Variants in ZNF214 observed in about 807,000 individuals in gnomAD.
The protein encoded by ZNF214 is zinc finger protein 214.
Under a neutral mutation model 53.9 loss-of-function variants are expected in ZNF214, and 43 were observed. That is an observed-to-expected ratio of 0.80 (90% CI 0.63 to 1.03). The LOEUF (loss-of-function observed/expected upper bound fraction) is 1.03. Among genes scored for constraint, ZNF214 ranks in the 50% least tolerant of loss-of-function variants. The pLI, the probability that ZNF214 is intolerant of heterozygous loss-of-function variation, is 0.00. For missense variants in ZNF214, 724 were observed against 719.1 expected, an observed-to-expected ratio of 1.01 and a Z score of -0.08; for synonymous variants, 217 against 229.5, an observed-to-expected ratio of 0.95 and a Z score of 0.49.
In ZNF214 at chr11:6,999,165, C is replaced by T. The variant is rs1374955981; in HGVS notation, c.*697G>A. ...ACTTCTTGTTGTTTGGTATCTGAAC[C>T]TATTATTAAGCGTGGAAAACCGGAA... On this transcript the variant is annotated 3_prime_UTR_variant, in exon 3 of 3. Coordinates refer to ENST00000278314, the MANE Select transcript of ZNF214 (RefSeq NM_013249.4). Among the ~76,000 whole-genome samples, 6 of 151,800 alleles carry T rather than the reference C, an allele frequency of 4.0e-5. No homozygotes were observed. Among genetic ancestry groups the T allele is most frequent in the African/African-American group, 1.5e-4 (6 of 41,364 alleles).
At chr11:7,014,978 G>A (rs959838949) in intron 1 of ZNF214, among the ~76,000 whole-genome samples, 14 of 151,570 alleles carry the variant, frequency 9.2e-5, no homozygotes, top group East Asian at 3.9e-4. Flanking sequence ...TAAATTGTAC[G>A]TATGTTTTCA....
At chr11:7,009,152 G>A (rs1312325125) in intron 1 of ZNF214, among the ~76,000 whole-genome samples, 3 of 152,036 alleles carry the variant, frequency 2.0e-5, no homozygotes, top group South Asian at 2.1e-4. Context: ...GAACAAAGCT[G>A]GAGGCATCAC....
At position 7,000,409 on chromosome 11, in the gene ZNF214, T is replaced by C; in HGVS notation, c.1274A>G (p.Gln425Arg). ...KCEDCGKGFT[Q>R]RSNLQIHQRV... ...CTGATGAATTTGAAGATTTGAGCGCTGGGTAAAGCCTTTACCACAGTCTTC... is the reference window on the plus strand; with the variant it reads ...CTGATGAATTTGAAGATTTGAGCGCCGGGTAAAGCCTTTACCACAGTCTTC... Residue 425 changes from glutamine to arginine, a missense_variant, in exon 3 of 3, where the codon CAG becomes CGG. Coordinates refer to ENST00000278314, the MANE Select transcript of ZNF214 (RefSeq NM_013249.4). 1 of 1,613,448 alleles carries C rather than the reference T, an allele frequency of 6.2e-7. No individual in the cohort carries two copies. Among genetic ancestry groups the C allele is most frequent in the Non-Finnish European group, 8.5e-7 (1 of 1,179,606 alleles).
intron 2 of ZNF214, 73 bp from the exon 3 acceptor site, chr11:7,001,628 T>C: frequency 1.3e-6 from 2 of 1,483,034 alleles, no homozygotes; most frequent in Non-Finnish European, 1.8e-6. Flanking sequence ...TCTAAATCAA[T>C]GACCTTTAAA....
rs748146579 is a variant in ZNF214, at chr11:7,000,141, G to A, written c.1542C>T (p.Leu514=). 6.8e-6 allele frequency: 11 copies of A among 1,613,026 alleles called. No individual in the cohort carries two copies. The highest frequency in any genetic ancestry group is 1.1e-5 in the South Asian group (1 of 91,030). ...GKGFSQRSHL[L]IHQRVHTGEK... is the part of the protein sequence containing the mutation. ...CTCCTGTATGGACTCTCTGATGAAT[G>A]AGAAGATGTGAACGCTGACTGAATC... Residue 514 remains leucine, a synonymous_variant, in exon 3 of 3, where the codon CTC becomes CTT. Transcript: ENST00000278314.
intron 1 of ZNF214, among the ~76,000 whole-genome samples, chr11:7,007,400 T>C (rs962778720): frequency 6.0e-5 from 9 of 151,020 alleles, no homozygotes; most frequent in African/African-American, 4.8e-5. Flanking sequence ...TAGCATGTGG[T>C]TTAGAACAGA....
At chr11:7,010,326 A>C (rs1311643594) in intron 1 of ZNF214, among the ~76,000 whole-genome samples, 1 of 152,054 alleles carries the variant, frequency 6.6e-6, no homozygotes, top group African/African-American at 2.4e-5. Context: ...GAAACAGAAA[A>C]CCAAATACTG....
chr11:7,001,427 T>G lies in ZNF214; in HGVS notation c.256A>C (p.Thr86Pro), dbSNP rs1391083317. ...TCTTTGGAATCTGTCCCTTGAACAG[T>G]TTCCCCATAGTTCTGATTCTCATAC... is the stretch of plus-strand genomic sequence containing the variant. ...QMYENQNYGE[T>P]VQGTDSKDLT... The change falls in exon 3 of 3, where the codon ACT (threonine) becomes CCT (proline). Residue 86 changes from threonine to proline, a missense_variant. By Grantham distance (38) the Thr-to-Pro change is conservative. Transcript: ENST00000278314. 6.2e-7 allele frequency: 1 copy of G among 1,613,078 alleles called. No individual in the cohort carries two copies.
Position 6,998,023 on chromosome 11 carries a change from C to T in ZNF214, c.*1839G>A, listed in dbSNP as rs1851227104. Among the ~76,000 whole-genome samples, 1 of 151,916 alleles carries T rather than the reference C, an allele frequency of 6.6e-6. No homozygotes were observed. The highest frequency in any genetic ancestry group is 2.4e-5 in the African/African-American group (1 of 41,404). On this transcript the variant is annotated 3_prime_UTR_variant, in exon 3 of 3. Transcript: ENST00000278314. Reference sequence around the variant, plus strand: ...TTTTATACCATGATTTCCACATTCACAAACTCTCTTTAAGGCACATATACG... The same window carrying T: ...TTTTATACCATGATTTCCACATTCATAAACTCTCTTTAAGGCACATATACG...
rs1394226054 is a variant in ZNF214 at position 7,001,413 on chromosome 11, T to C, written c.270A>G (p.Thr90=). 1.2e-6 allele frequency: 2 copies of C among 1,613,170 alleles called. No individual in the cohort carries two copies. The highest frequency in any genetic ancestry group is 1.3e-5 in the African/African-American group (1 of 74,852). Residue 90 remains threonine, a synonymous_variant, in exon 3 of 3, where the codon ACA becomes ACG. Coordinates refer to ENST00000278314, the MANE Select transcript of ZNF214 (RefSeq NM_013249.4). ...CTTGCTGTGTGAGGTCTTTGGAATC[T>C]GTCCCTTGAACAGTTTCCCCATAGT... is the stretch of plus-strand genomic sequence containing the variant. The part of the protein sequence containing the change: ...NQNYGETVQG[T]DSKDLTQQDR...
At chr11:7,014,585 AG>A (rs772739202) in intron 1 of ZNF214, among the ~76,000 whole-genome samples, 13 of 152,298 alleles carry the variant, frequency 8.5e-5, no homozygotes, top group Admixed American at 3.9e-4. Context: ...AAAACAATTA[AG>A]GAATAACAAC....
At position 7,000,551 on chromosome 11, in the gene ZNF214, T is replaced by C; in HGVS notation, c.1132A>G (p.Arg378Gly). The C allele has an allele frequency of 6.2e-7, 1 of 1,612,088 alleles. No individual in the cohort carries two copies. The highest frequency in any genetic ancestry group is 8.5e-7 in the Non-Finnish European group (1 of 1,179,098). The part of the protein sequence containing the change: ...NRSSVLHVHQ[R>G]VHTGEKPYKC... The stretch of plus-strand genomic sequence containing the variant: ...TATGGTTTTTCTCCTGTGTGGACTC[T>C]CTGATGAACATGAAGTACTGAACTC... Residue 378 changes from arginine (R) to glycine (G), a missense_variant, in exon 3 of 3, where the codon AGA (arginine) becomes GGA (glycine). Physicochemically the swap from Arg to Gly is moderately radical, Grantham distance 125 (BLOSUM62 -2). Transcript: ENST00000278314.
chr11:7,001,683 G>T, intron 2 of ZNF214, 128 bp from the exon 3 acceptor site: 1 of 1,030,800 alleles, frequency 9.7e-7, no homozygotes, highest in Non-Finnish European at 1.4e-6. Flanking sequence ...GAAGGGTTAT[G>T]ACTCTGCCTG....
Position 7,002,744 on chromosome 11 carries a change from A to C in ZNF214, c.92T>G (p.Val31Gly). 6.2e-7 allele frequency: 1 copy of C among 1,607,246 alleles called. No homozygotes were observed. The highest frequency in any genetic ancestry group is 8.5e-7 in the Non-Finnish European group (1 of 1,176,946). Residue 31 changes from valine (V) to glycine (G), a missense_variant, in exon 2 of 3, where the codon GTC (valine) becomes GGC (glycine). By Grantham distance (109) the Val-to-Gly change is moderately radical (BLOSUM62 -3). Coordinates refer to ENST00000278314, the MANE Select transcript of ZNF214 (RefSeq NM_013249.4). Reference sequence around the variant, plus strand: ...GACATTTGTGTAGTTCTCCCACATGACCTCCCTGTAGAGTCTTTTTTGAGA... The same window carrying C: ...GACATTTGTGTAGTTCTCCCACATGCCCTCCCTGTAGAGTCTTTTTTGAGA... ...DSSQKRLYRE[V>G]MWENYTNVMS... is the part of the protein sequence containing the mutation.
At chr11:7,006,274 G>A (rs191631216) in intron 1 of ZNF214, among the ~76,000 whole-genome samples, 55 of 152,076 alleles carry the variant, frequency 3.6e-4, no homozygotes, top group African/African-American at 1.2e-3. Context: ...TTTCTCCCAG[G>A]AGTCTGATAA....
intron 1 of ZNF214, among the ~76,000 whole-genome samples, chr11:7,017,601 T>C (rs1208316009): frequency 6.6e-6 from 1 of 152,100 alleles, no homozygotes; most frequent in Non-Finnish European, 1.5e-5. Context: ...TAGCTGGGCA[T>C]GGTGGCGTGC....
Position 6,999,908 on chromosome 11 carries a change from T to A in ZNF214, c.1775A>T (p.Asp592Val), listed in dbSNP as rs1348649456. ...ATTATTGTGAAGATGTGAATTATGA[T>A]CAAATCCCTTATAATATTCACGGCA... is the stretch of plus-strand genomic sequence containing the variant. ...YKCREYYKGF[D>V]HNSHLHNNHR... Residue 592 changes from aspartate to valine, a missense_variant, in exon 3 of 3, where the codon GAT (aspartate) becomes GTT (valine). Coordinates refer to ENST00000278314, the MANE Select transcript of ZNF214 (RefSeq NM_013249.4). The A allele has an allele frequency of 6.2e-7, 1 of 1,612,098 alleles. No homozygotes were observed. The highest frequency in any genetic ancestry group is 8.5e-7 in the Non-Finnish European group (1 of 1,178,988).
At chr11:7,006,703 T>C (rs568431582) in intron 1 of ZNF214, among the ~76,000 whole-genome samples, 1 of 152,184 alleles carries the variant, frequency 6.6e-6, no homozygotes, top group East Asian at 1.9e-4. Context: ...TACAGGCTTA[T>C]TTCTAACATA....
At chr11:7,001,811 C>A (rs1316940418) in intron 2 of ZNF214, among the ~76,000 whole-genome samples, 2 of 152,004 alleles carry the variant, frequency 1.3e-5, no homozygotes, top group Non-Finnish European at 2.9e-5. Context: ...GATTTAACTT[C>A]TATTTACCAC....
Sources: allele counts gnomAD v4.1 joint callset (sites outside exome capture counted in the v4.1 genomes callset), GRCh38; gene constraint gnomAD v4.1.1; transcripts MANE v1.5; gene names NCBI Gene and HGNC (gene_info 2026-07-23, HGNC 2026-07-21).